Variants in RBFOX1 observed in about 807,000 individuals in gnomAD.
RBFOX1 encodes RNA binding fox-1 homolog 1.
Under a neutral mutation model 57.7 loss-of-function variants are expected in RBFOX1, and 8 were observed. The ratio of observed to expected loss-of-function variants is 0.14; its 90% CI spans 0.08 to 0.25. The LOEUF (loss-of-function observed/expected upper bound fraction) is 0.25. RBFOX1 is among the 10% of genes least tolerant of loss of function. RBFOX1 has a pLI of 1.00. For missense variants in RBFOX1, 611 were observed against 548.5 expected, an observed-to-expected ratio of 1.11 and a Z score of -1.14; for synonymous variants, 326 against 222.4, an observed-to-expected ratio of 1.47 and a Z score of -4.15.
At chr16:7,317,110 G>A (rs967692433) in intron 4 of RBFOX1, among the ~76,000 whole-genome samples, 1 of 151,998 alleles carries the variant, frequency 6.6e-6, no homozygotes, top group Admixed American at 6.6e-5. Context: ...AGCTGAGGAC[G>A]GGGGTGTCAA....
At chr16:6,735,276 C>G (rs1169840479) in intron 3 of RBFOX1, among the ~76,000 whole-genome samples, 1 of 152,184 alleles carries the variant, frequency 6.6e-6, no homozygotes, top group Non-Finnish European at 1.5e-5. Context: ...TTGCCTCCTA[C>G]CCAACTCAGC....
intron 1 of RBFOX1, among the ~76,000 whole-genome samples, chr16:6,106,890 C>T (rs947496592): frequency 6.6e-6 from 1 of 152,048 alleles, no homozygotes; most frequent in Admixed American, 6.6e-5. Flanking sequence ...CCAGGATGGT[C>T]TCAATCTCCT....
chr16:7,541,322 G>A (rs2082863176), intron 5 of RBFOX1, among the ~76,000 whole-genome samples: 1 of 152,170 alleles, frequency 6.6e-6, no homozygotes, highest in Admixed American at 6.5e-5. Context: ...CAAATGTGAG[G>A]CAAAGGACCA....
intron 3 of RBFOX1, among the ~76,000 whole-genome samples, chr16:5,723,402 C>G (rs1378467437): frequency 1.2e-5 from 1 of 86,582 alleles, no homozygotes; most frequent in Admixed American, 1.3e-4. Flanking sequence ...GTGGCTATCT[C>G]AAGCTTGGGC....
chr16:6,421,298 G>A (rs1597004037), intron 2 of RBFOX1, among the ~76,000 whole-genome samples: 1 of 152,208 alleles, frequency 6.6e-6, no homozygotes, highest in African/African-American at 2.4e-5. Flanking sequence ...GGAGTCTTGA[G>A]CCCTTTGTTG....
intron 2 of RBFOX1, among the ~76,000 whole-genome samples, chr16:6,457,446 C>CCCCA (rs764092740): frequency 1.5e-5 from 2 of 131,738 alleles, no homozygotes; most frequent in Admixed American, 1.5e-4. Flanking sequence ...AGTCCCCCCC[C>CCCCA]CCGCAATAGC....
intron 4 of RBFOX1, among the ~76,000 whole-genome samples, chr16:7,468,051 G>C (rs1361710268): frequency 2.0e-5 from 3 of 152,226 alleles, no homozygotes; most frequent in Non-Finnish European, 4.4e-5. Flanking sequence ...CTGAACTTCT[G>C]AGAACAGAAT....
At chr16:5,759,150 A>G (rs189177660) in intron 3 of RBFOX1, among the ~76,000 whole-genome samples, 12 of 152,162 alleles carry the variant, frequency 7.9e-5, no homozygotes, top group Non-Finnish European at 1.3e-4. Flanking sequence ...TTTTGGCAGT[A>G]TCAGTAGGGG....
At chr16:5,663,576 G>T (rs1260250877) in intron 3 of RBFOX1, among the ~76,000 whole-genome samples, 1 of 152,144 alleles carries the variant, frequency 6.6e-6, no homozygotes, top group Non-Finnish European at 1.5e-5. Flanking sequence ...AGTGCAGGGG[G>T]TGCAATCCCA....
At position 6,976,829 on chromosome 16, in the gene RBFOX1, A is replaced by T. The variant is rs530004498; in HGVS notation, c.-15-75228A>T. ...GATATAAATGATCTAGATCATATATAATGTACCTATCATATGATGTATATC... is the reference window on the plus strand; with the variant it reads ...GATATAAATGATCTAGATCATATATTATGTACCTATCATATGATGTATATC... On this transcript the variant is annotated intron_variant, in intron 3 of 15. Transcript: ENST00000550418. Among the ~76,000 whole-genome samples, 16 of 142,604 alleles carry T rather than the reference A, an allele frequency of 1.1e-4. 1 individual carries two copies. Among genetic ancestry groups the T allele is most frequent in the African/African-American group, 3.6e-4 (14 of 39,112 alleles). 93.6% of individuals were successfully genotyped at this position (142,604 alleles called of 152,430 possible).
At chr16:7,263,152 A>T (rs1275598937) in intron 4 of RBFOX1, among the ~76,000 whole-genome samples, 1 of 152,178 alleles carries the variant, frequency 6.6e-6, no homozygotes, top group African/African-American at 2.4e-5. Context: ...CATGCTTTAT[A>T]TTATGTGTAT....
chr16:6,567,710 A>C (rs1201620361), intron 2 of RBFOX1, among the ~76,000 whole-genome samples: 5 of 152,186 alleles, frequency 3.3e-5, no homozygotes, highest in African/African-American at 1.2e-4. Flanking sequence ...ATGCCTATTT[A>C]CATACTGTGC....
intron 5 of RBFOX1, among the ~76,000 whole-genome samples, chr16:7,576,416 C>G (rs1022871893): frequency 2.0e-5 from 3 of 152,160 alleles, no homozygotes; most frequent in African/African-American, 7.2e-5. Context: ...TTATTCACTC[C>G]TCAACCTCTA....
intron 2 of RBFOX1, among the ~76,000 whole-genome samples, chr16:6,648,377 T>A (rs2098550734): frequency 7.0e-6 from 1 of 142,848 alleles, no homozygotes; most frequent in East Asian, 2.0e-4. Context: ...GGCATCGTAC[T>A]TGCTGGGGTT....
chr16:7,315,846 A>G (rs2096426398), intron 4 of RBFOX1, among the ~76,000 whole-genome samples: 1 of 152,210 alleles, frequency 6.6e-6, no homozygotes, highest in African/African-American at 2.4e-5. Context: ...ACATGGCACA[A>G]GACAGCAGTC....
At chr16:7,418,467 A>T (rs1369953655) in intron 4 of RBFOX1, among the ~76,000 whole-genome samples, 4 of 152,154 alleles carry the variant, frequency 2.6e-5, no homozygotes, top group African/African-American at 9.7e-5. Flanking sequence ...CAGGCATCTG[A>T]GATGGAGATT....
chr16:5,665,338 T>G (rs2049805432), intron 3 of RBFOX1, among the ~76,000 whole-genome samples: 1 of 152,120 alleles, frequency 6.6e-6, no homozygotes, highest in Admixed American at 6.5e-5. Flanking sequence ...CTGGCTCCTT[T>G]TCCTCCTCCA....
At chr16:7,216,859 T>G (rs1186504438) in intron 4 of RBFOX1, among the ~76,000 whole-genome samples, 1 of 152,120 alleles carries the variant, frequency 6.6e-6, no homozygotes, top group African/African-American at 2.4e-5. Flanking sequence ...TTCTAGTCAT[T>G]TATTCATTCT....
intron 3 of RBFOX1, among the ~76,000 whole-genome samples, chr16:7,004,869 G>A (rs146155356): frequency 2.7e-4 from 41 of 152,254 alleles, no homozygotes; most frequent in Non-Finnish European, 4.6e-4. Context: ...GAGCAAAGAG[G>A]CCAGGTGAGG....
Sources: allele counts gnomAD v4.1 joint callset (sites outside exome capture counted in the v4.1 genomes callset), GRCh38; gene constraint gnomAD v4.1.1; transcripts MANE v1.5; gene names NCBI Gene and HGNC (gene_info 2026-07-23, HGNC 2026-07-21).